Variants in FRMD3 observed in about 807,000 individuals in gnomAD.
FRMD3 encodes the protein FERM domain containing 3.
A neutral mutation model predicts 70.2 loss-of-function variants in FRMD3; 33 were observed. The ratio of observed to expected loss-of-function variants is 0.47; its 90% CI spans 0.36 to 0.63. The LOEUF (loss-of-function observed/expected upper bound fraction) is 0.63. Ranked by LOEUF, FRMD3 falls within the 20% of genes least tolerant of loss-of-function variation. The pLI is 0.00. For missense variants in FRMD3, 632 were observed against 711.4 expected (o/e 0.89, Z 1.27); for synonymous variants, 279 against 255.9 (o/e 1.09, Z -0.86).
intron 1 of FRMD3, among the ~76,000 whole-genome samples, chr9:83,504,534 G>T (rs548245342): frequency 6.6e-6 from 1 of 151,796 alleles, no homozygotes; most frequent in African/African-American, 2.4e-5. Flanking sequence ...GCTCCCTTCT[G>T]CCTCAAGACC....
intron 1 of FRMD3, among the ~76,000 whole-genome samples, chr9:83,536,628 G>A (rs1394894183): frequency 6.6e-6 from 1 of 152,082 alleles, no homozygotes; most frequent in Non-Finnish European, 1.5e-5. Flanking sequence ...AAGTTTAGCA[G>A]TGCTGCTTAG....
intron 1 of FRMD3, among the ~76,000 whole-genome samples, chr9:83,478,933 TG>T (rs1045750834): frequency 1.3e-5 from 2 of 152,150 alleles, no homozygotes; most frequent in African/African-American, 4.8e-5. Flanking sequence ...AAGTGAACCC[TG>T]GAATACAGAG....
intron 6 of FRMD3, among the ~76,000 whole-genome samples, chr9:83,332,190 T>C (rs1278553232): frequency 6.6e-6 from 1 of 152,204 alleles, no homozygotes; most frequent in Non-Finnish European, 1.5e-5. Context: ...AACTATAACA[T>C]GCTACTATAT....
intron 3 of FRMD3, among the ~76,000 whole-genome samples, chr9:83,362,361 A>G (rs7035160): frequency 0.61 from 93,114 of 152,068 alleles, 28,805 homozygotes; most frequent in Admixed American, 0.62. Context: ...GGAATTCCAC[A>G]CCATCCCAGG....
chr9:83,554,250 G>A, the FRMD3 span, among the ~76,000 whole-genome samples: 20 of 152,198 alleles, frequency 1.3e-4, no homozygotes, highest in Admixed American at 6.5e-5. Flanking sequence ...TTGCAACTGT[G>A]TTCCCTCTCA....
At chr9:83,298,249 C>G (rs1433313144) in intron 12 of FRMD3, among the ~76,000 whole-genome samples, 1 of 152,274 alleles carries the variant, frequency 6.6e-6, no homozygotes, top group African/African-American at 2.4e-5. Flanking sequence ...ATATTTAATT[C>G]TTAAGAATGA....
chr9:83,526,140 T>G (rs1437186370), intron 1 of FRMD3, among the ~76,000 whole-genome samples: 2 of 152,196 alleles, frequency 1.3e-5, no homozygotes, highest in South Asian at 4.1e-4. Flanking sequence ...CTGCTTCTCC[T>G]CTAGTCTATC....
At chr9:83,283,518 G>A (rs1358996786) in intron 13 of FRMD3, among the ~76,000 whole-genome samples, 11 of 134,868 alleles carry the variant, frequency 8.2e-5, no homozygotes, top group African/African-American at 2.5e-4. Context: ...GCGACAGAGC[G>A]AGAATCCATC....
At chr9:83,528,484 GT>G (rs557841663) in intron 1 of FRMD3, among the ~76,000 whole-genome samples, 1 of 151,368 alleles carries the variant, frequency 6.6e-6, no homozygotes, top group Admixed American at 6.6e-5. Context: ...GTTTGGGTTT[GT>G]TTTTTTTAAT....
At chr9:83,259,960 G>A (rs891259214) in intron 13 of FRMD3, among the ~76,000 whole-genome samples, 6 of 152,132 alleles carry the variant, frequency 3.9e-5, no homozygotes, top group African/African-American at 7.2e-5. Flanking sequence ...GGAGTGAAAA[G>A]AGCAGTGGCC....
chr9:83,417,217 G>A (rs777706217), intron 1 of FRMD3, among the ~76,000 whole-genome samples: 4 of 152,168 alleles, frequency 2.6e-5, no homozygotes, highest in South Asian at 2.1e-4. Flanking sequence ...TCCCAAATGA[G>A]TACACATTCA....
chr9:83,489,278 C>G (rs539478516), intron 1 of FRMD3, among the ~76,000 whole-genome samples: 39 of 152,038 alleles, frequency 2.6e-4, no homozygotes, highest in Non-Finnish European at 5.7e-4. Flanking sequence ...AACTAAAGAG[C>G]TTTTTCACAG....
chr9:83,382,565 G>T (rs553825178), intron 2 of FRMD3, among the ~76,000 whole-genome samples: 1 of 152,258 alleles, frequency 6.6e-6, no homozygotes, highest in Non-Finnish European at 1.5e-5. Context: ...TGGTCTTCAT[G>T]ATGCCAAAGC....
chr9:83,518,013 GACAA>G (rs1203049485), intron 1 of FRMD3, among the ~76,000 whole-genome samples: 1 of 152,170 alleles, frequency 6.6e-6, no homozygotes, highest in Non-Finnish European at 1.5e-5. Context: ...TATTATTTAT[GACAA>G]ACACACAGCC....
chr9:83,357,264 T>TGGA lies in FRMD3; in HGVS notation c.296-7508_296-7507insTCC, dbSNP rs1564032772. ...ATACATACATATATATATATATATA[T>TGGA]ATATATATATATATATATATATATA... On this transcript the variant is annotated intron_variant, in intron 3 of 13. Transcript: ENST00000304195. 1.6e-4 allele frequency among the ~76,000 whole-genome samples: 11 copies of TGGA among 67,862 alleles called. 1 individual carries two copies. Among genetic ancestry groups the TGGA allele is most frequent in the African/African-American group, 7.9e-4 (10 of 12,706 alleles). 44.5% of individuals were successfully genotyped at this position (67,862 alleles called of 152,430 possible).
At chr9:83,340,578 C>A (rs1316542987) in intron 5 of FRMD3, among the ~76,000 whole-genome samples, 2 of 152,146 alleles carry the variant, frequency 1.3e-5, no homozygotes, top group Non-Finnish European at 2.9e-5. Flanking sequence ...AAGTTGAATT[C>A]CTCTGTGGTG....
At chr9:83,309,675 T>C in intron 9 of FRMD3, 51 bp from the exon 10 acceptor site, 2 of 1,215,862 alleles carry the variant, frequency 1.6e-6, no homozygotes, top group Non-Finnish European at 2.3e-6. Context: ...ACCATTTACA[T>C]TTTCCATGGG....
intron 9 of FRMD3, among the ~76,000 whole-genome samples, chr9:83,309,828 T>A (rs891180597): frequency 2.6e-5 from 4 of 152,170 alleles, no homozygotes; most frequent in Non-Finnish European, 5.9e-5. Flanking sequence ...ATCACTAATG[T>A]ATCTAGGACC....
At chr9:83,456,997 A>G (rs569197885) in intron 1 of FRMD3, among the ~76,000 whole-genome samples, 1 of 152,256 alleles carries the variant, frequency 6.6e-6, no homozygotes, top group East Asian at 1.9e-4. Flanking sequence ...AATTAATAAA[A>G]ACAACGCAAA....
Sources: allele counts gnomAD v4.1 joint callset (sites outside exome capture counted in the v4.1 genomes callset), GRCh38; gene constraint gnomAD v4.1.1; transcripts MANE v1.5; gene names NCBI Gene and HGNC (gene_info 2026-07-23, HGNC 2026-07-21).